The following SH3GL3 variants were observed in gnomAD, a reference collection of about 807,000 sequenced individuals.
SH3GL3 encodes the protein endophilin-A3.
In SH3GL3, 33 loss-of-function variants were observed where a neutral mutation model predicts 47.7. The ratio of observed to expected loss-of-function variants is 0.69; its 90% CI spans 0.52 to 0.92. The LOEUF is 0.92. Among genes scored for constraint, SH3GL3 ranks in the 40% least tolerant of loss-of-function variants. SH3GL3 has a pLI of 0.00. For synonymous variants in SH3GL3, 155 were observed against 148.8 expected, an observed-to-expected ratio of 1.04 and a Z score of -0.30; for missense variants, 363 against 417.8, an observed-to-expected ratio of 0.87 and a Z score of 1.14.
chr15:83,608,052 C>T (rs1056571337), intron 8 of SH3GL3, among the ~76,000 whole-genome samples: 1 of 151,992 alleles, frequency 6.6e-6, no homozygotes, highest in African/African-American at 2.4e-5. Flanking sequence ...GAGGGCAAAA[C>T]TTTATTAGTT....
At chr15:83,541,948 G>A (rs1046861033) in intron 1 of SH3GL3, among the ~76,000 whole-genome samples, 1 of 152,104 alleles carries the variant, frequency 6.6e-6, no homozygotes, top group Non-Finnish European at 1.5e-5. Flanking sequence ...AAAAGCCTTT[G>A]CTATGCAGAA....
At chr15:83,504,282 CTGTG>C (rs2042400550) in intron 1 of SH3GL3, among the ~76,000 whole-genome samples, 1 of 152,186 alleles carries the variant, frequency 6.6e-6, no homozygotes, top group Non-Finnish European at 1.5e-5. Flanking sequence ...CAGAAGTTCC[CTGTG>C]TGTTCCTTCC....
At chr15:83,633,159 CT>C in the SH3GL3 span, among the ~76,000 whole-genome samples, 11,070 of 152,054 alleles carry the variant, frequency 0.073, 587 homozygotes, top group East Asian at 0.19. Flanking sequence ...ATGCAAAATA[CT>C]CAAGGCATTA....
chr15:83,525,351 C>CGTGTGCGTGTGT (rs2043374221), intron 1 of SH3GL3, among the ~76,000 whole-genome samples: 1 of 147,982 alleles, frequency 6.8e-6, no homozygotes, highest in African/African-American at 2.5e-5. Flanking sequence ...ATTCTTTGTG[C>CGTGTGCGTGTGT]GTGTGTGTGT....
At chr15:83,542,660 C>T (rs1248609571) in intron 1 of SH3GL3, among the ~76,000 whole-genome samples, 1 of 151,996 alleles carries the variant, frequency 6.6e-6, no homozygotes, top group African/African-American at 2.4e-5. Flanking sequence ...AATGCTTTAT[C>T]GTTTTCATTG....
At chr15:83,453,676 T>C (rs1389482669) in intron 1 of SH3GL3, among the ~76,000 whole-genome samples, 3 of 124,248 alleles carry the variant, frequency 2.4e-5, no homozygotes, top group Non-Finnish European at 5.1e-5. Flanking sequence ...TTTTTTATTG[T>C]GTCTATTTGA....
Position 83,531,839 on chromosome 15 carries a change from TGAGAGAGAGAGAGACAGAATGA to T in SH3GL3, c.46-27399_46-27378del, listed in dbSNP as rs537540777. 2.8e-3 allele frequency among the ~76,000 whole-genome samples: 421 copies of T among 151,126 alleles called. 1 individual carries two copies. Among genetic ancestry groups the T allele is most frequent in the Non-Finnish European group, 4.3e-3 (291 of 67,638 alleles). On this transcript the variant is annotated intron_variant, in intron 1 of 8. Coordinates refer to ENST00000427482, the MANE Select transcript of SH3GL3 (RefSeq NM_003027.5). The stretch of plus-strand genomic sequence containing the variant: ...ACACTTGGGGTGGTGTGTGTGTGTC[TGAGAGAGAGAGAGACAGAATGA>T]GAGAGAGAGAGAGAGATGAGAGAGA...
intron 1 of SH3GL3, among the ~76,000 whole-genome samples, chr15:83,558,363 A>C (rs2045068341): frequency 6.6e-6 from 1 of 151,378 alleles, no homozygotes; most frequent in African/African-American, 2.4e-5. Context: ...ATTTTCCTCC[A>C]TTCTTCCTTG....
intron 8 of SH3GL3, 45 bp from the exon 9 acceptor site, chr15:83,618,037 C>A: frequency 8.1e-7 from 1 of 1,240,600 alleles, no homozygotes. Flanking sequence ...CATGGATAAT[C>A]CATCATGTTC....
At chr15:83,613,615 ATATAAATCTATC>A (rs2060727999) in intron 8 of SH3GL3, among the ~76,000 whole-genome samples, 1 of 141,850 alleles carries the variant, frequency 7.0e-6, no homozygotes, top group South Asian at 2.3e-4. Flanking sequence ...GGAGGGAAAT[ATATAAATCTATC>A]TATCTATCTA....
chr15:83,456,753 A>G (rs2040003715), intron 1 of SH3GL3, among the ~76,000 whole-genome samples: 1 of 151,044 alleles, frequency 6.6e-6, no homozygotes, highest in Non-Finnish European at 1.5e-5. Context: ...ATGGAAATGC[A>G]GAAATCACCC....
chr15:83,610,712 C>A (rs2060637235), intron 8 of SH3GL3, among the ~76,000 whole-genome samples: 1 of 152,106 alleles, frequency 6.6e-6, no homozygotes, highest in East Asian at 1.9e-4. Context: ...TCCTCAATTT[C>A]TCCATCCCTC....
chr15:83,598,321 C>G (rs1447789870), intron 8 of SH3GL3, among the ~76,000 whole-genome samples: 1 of 152,164 alleles, frequency 6.6e-6, no homozygotes, highest in Admixed American at 6.6e-5. Flanking sequence ...TTTGAGCGCC[C>G]TTAGACTTCA....
downstream of SH3GL3, among the ~76,000 whole-genome samples, chr15:83,619,092 T>C (rs977521602): frequency 2.0e-5 from 3 of 152,210 alleles, no homozygotes; most frequent in African/African-American, 7.2e-5. Context: ...TTAGGCTCAG[T>C]GAACCAGCCC....
intron 1 of SH3GL3, among the ~76,000 whole-genome samples, chr15:83,501,110 G>T (rs2042276650): frequency 6.6e-6 from 1 of 152,086 alleles, no homozygotes; most frequent in Non-Finnish European, 1.5e-5. Context: ...CGTTTTTAGT[G>T]TTCCAAAGTT....
chr15:83,483,073 A>G (rs543492351), intron 1 of SH3GL3, among the ~76,000 whole-genome samples: 22 of 152,140 alleles, frequency 1.4e-4, no homozygotes, highest in Admixed American at 8.5e-4. Flanking sequence ...GATTTCTCCA[A>G]TTGGTTCTCT....
intron 1 of SH3GL3, among the ~76,000 whole-genome samples, chr15:83,530,368 C>G (rs1246632592): frequency 6.6e-6 from 1 of 152,162 alleles, no homozygotes; most frequent in African/African-American, 2.4e-5. Flanking sequence ...CTTACCCTTT[C>G]CCTGCACCGG....
intron 1 of SH3GL3, among the ~76,000 whole-genome samples, chr15:83,525,684 A>C (rs748329071): frequency 6.6e-6 from 1 of 151,976 alleles, no homozygotes; most frequent in Non-Finnish European, 1.5e-5. Flanking sequence ...ATCTATTTTG[A>C]GTTGATTTTG....
chr15:83,491,014 A>G, intron 1 of SH3GL3: 1 of 1,536,222 alleles, frequency 6.5e-7, no homozygotes, highest in Non-Finnish European at 8.8e-7. Flanking sequence ...CTTCATGGTG[A>G]AAAGTGGGAA....
Sources: gnomAD v4.1 joint callset for allele counts (sites outside exome capture counted in the v4.1 genomes callset) on GRCh38, gnomAD v4.1.1 for gene constraint, MANE v1.5 for transcripts, NCBI Gene and HGNC (gene_info 2026-07-23, HGNC 2026-07-21) for gene names.